Variants in DNAI3 observed in about 807,000 individuals in gnomAD.
DNAI3 encodes dynein axonemal intermediate chain 3.
Under a neutral mutation model 115.5 loss-of-function variants are expected in DNAI3, and 83 were observed. The ratio of observed to expected loss-of-function variants is 0.72; its 90% CI spans 0.60 to 0.86. The LOEUF is 0.86. Ranked by LOEUF, DNAI3 falls within the 40% of genes least tolerant of loss-of-function variation. The pLI is 0.00. For synonymous variants in DNAI3, 320 were observed against 347.0 expected (o/e 0.92, Z 0.86); for missense variants, 1,004 against 1,075.8 (o/e 0.93, Z 0.93).
intron 10 of DNAI3, among the ~76,000 whole-genome samples, chr1:85,095,032 G>A (rs1245851061): frequency 6.6e-6 from 1 of 152,090 alleles, no homozygotes; most frequent in African/African-American, 2.4e-5. Flanking sequence ...CAAGAGAATT[G>A]AGAAATTTGG....
intron 19 of DNAI3, among the ~76,000 whole-genome samples, chr1:85,125,695 C>T (rs1172201862): frequency 2.0e-5 from 3 of 152,130 alleles, no homozygotes; most frequent in Non-Finnish European, 2.9e-5. Context: ...GAAATGTCAC[C>T]TCCACAGAGT....
chr1:85,099,587 G>A (rs817487), intron 13 of DNAI3, among the ~76,000 whole-genome samples: 78,248 of 151,770 alleles, frequency 0.52, 20,831 homozygotes, highest in African/African-American at 0.64. Flanking sequence ...ATCCCCATCA[G>A]GCTACCAATG....
At position 85,081,228 on chromosome 1, in the gene DNAI3, T is replaced by C. The variant is rs1411883879; in HGVS notation, c.104-6T>C. ...TAATGTCCAAATTCCACTTTGTCTT[T>C]CCTAGGTCATCCAGAAATTTATCCT... On this transcript the variant is annotated splice_region_variant and splice_polypyrimidine_tract_variant and intron_variant, in intron 3 of 22. Coordinates refer to ENST00000294664, the MANE Select transcript of DNAI3 (RefSeq NM_145172.5). 2 of 1,570,078 alleles carry C rather than the reference T, an allele frequency of 1.3e-6. No homozygotes were observed. Among genetic ancestry groups the C allele is most frequent in the Non-Finnish European group, 1.7e-6 (2 of 1,167,222 alleles).
intron 17 of DNAI3, among the ~76,000 whole-genome samples, chr1:85,121,192 T>C (rs1422174131): frequency 6.6e-6 from 1 of 152,216 alleles, no homozygotes; most frequent in Non-Finnish European, 1.5e-5. Flanking sequence ...TTCCTCTTCT[T>C]ACATCAGGTC....
At chr1:85,095,182 C>G (rs1180954946) in intron 10 of DNAI3, among the ~76,000 whole-genome samples, 1 of 152,136 alleles carries the variant, frequency 6.6e-6, no homozygotes, top group African/African-American at 2.4e-5. Flanking sequence ...ACACAGGGTT[C>G]TAGTTTTCAT....
At chr1:85,116,285 C>T (rs910174461) in intron 16 of DNAI3, among the ~76,000 whole-genome samples, 9 of 152,194 alleles carry the variant, frequency 5.9e-5, no homozygotes, top group African/African-American at 2.2e-4. Context: ...TTGAGTCATT[C>T]CTGATTCTCT....
chr1:85,078,689 C>T (rs1654538146), intron 3 of DNAI3, among the ~76,000 whole-genome samples: 1 of 152,226 alleles, frequency 6.6e-6, no homozygotes, highest in Admixed American at 6.5e-5. Flanking sequence ...AAGCATCAGG[C>T]CTTGCCCTGG....
intron 1 of DNAI3, among the ~76,000 whole-genome samples, chr1:85,068,760 T>A (rs1056533794): frequency 6.6e-6 from 1 of 152,194 alleles, no homozygotes; most frequent in South Asian, 2.1e-4. Context: ...TGTAAGAGGA[T>A]CATACATTCC....
Position 85,132,871 on chromosome 1 carries a change from C to G in DNAI3, c.2549C>G (p.Ser850Ter), listed in dbSNP as rs867895591. 3.1e-6 allele frequency: 5 copies of G among 1,612,952 alleles called. No homozygotes were observed. The highest frequency in any genetic ancestry group is 1.6e-4 in the Middle Eastern group (1 of 6,078). Residue 850 changes from serine to a stop codon, truncating the protein, a stop_gained, in exon 23 of 23, where the codon TCA becomes TGA. Transcript: ENST00000294664. LOFTEE classifies it low-confidence loss of function (END_TRUNC). ...AKKKVKTYQKSKEQMQAELKM... is the reference protein window; with the variant it reads ...AKKKVKTYQK ...CCCCCCCAGAAAACATATCAGAAGT[C>G]AAAAGAACAAATGCAGGCTGAATTA...
At chr1:85,130,660 AGATAGAT>A (rs1282307736) in intron 22 of DNAI3, among the ~76,000 whole-genome samples, 1 of 147,274 alleles carries the variant, frequency 6.8e-6, no homozygotes, top group Non-Finnish European at 1.5e-5. Context: ...ATGATAGATT[AGATAGAT>A]GATAGATAGA....
chr1:85,132,749 G>A, intron 22 of DNAI3, 106 bp from the exon 23 acceptor site: 1 of 1,418,054 alleles, frequency 7.1e-7, no homozygotes, highest in Non-Finnish European at 9.4e-7. Flanking sequence ...GCCCTTTCCA[G>A]AAAACAGCAG....
At chr1:85,076,416 C>A in intron 3 of DNAI3, among the ~76,000 whole-genome samples, 1 of 151,910 alleles carries the variant, frequency 6.6e-6, no homozygotes. Context: ...TCCACAAATC[C>A]CTTTTCTTAT....
At position 85,101,940 on chromosome 1, in the gene DNAI3, A is replaced by G. The variant is rs115371705; in HGVS notation, c.1480-2584A>G. Among the ~76,000 whole-genome samples, 5 of 151,856 alleles carry G rather than the reference A, an allele frequency of 3.3e-5. No homozygotes were observed. The South Asian group carries it at 1.0e-3, about 32-fold the overall frequency. On this transcript the variant is annotated intron_variant, in intron 13 of 22. Coordinates refer to ENST00000294664, the MANE Select transcript of DNAI3 (RefSeq NM_145172.5). Reference sequence around the variant, plus strand: ...AGAGGCCAGGCATGGTGGCTCATTCATACCTATAATTCCAACACTAGGAGG... The same window carrying G: ...AGAGGCCAGGCATGGTGGCTCATTCGTACCTATAATTCCAACACTAGGAGG...
chr1:85,084,245 AGT>A (rs574283688), intron 5 of DNAI3, among the ~76,000 whole-genome samples: 1 of 58,232 alleles, frequency 1.7e-5, no homozygotes, highest in Non-Finnish European at 3.3e-5. Flanking sequence ...ATATATCAGC[AGT>A]GTGTATATAT....
intron 5 of DNAI3, among the ~76,000 whole-genome samples, chr1:85,082,935 C>G (rs922053461): frequency 2.6e-5 from 4 of 152,174 alleles, no homozygotes; most frequent in Non-Finnish European, 4.4e-5. Flanking sequence ...GAGTAAGTTA[C>G]TGAGCCTCTC....
In DNAI3 at chr1:85,084,706, T is replaced by C; in HGVS notation, c.540+11T>C. 1.4e-6 allele frequency: 2 copies of C among 1,477,476 alleles called. No individual in the cohort carries two copies. The highest frequency in any genetic ancestry group is 1.8e-6 in the Non-Finnish European group (2 of 1,111,724). 91.5% of individuals were successfully genotyped at this position (1,477,476 alleles called of 1,614,324 possible). On this transcript the variant is annotated intron_variant, in intron 6 of 22. Coordinates refer to ENST00000294664, the MANE Select transcript of DNAI3 (RefSeq NM_145172.5). ...GAATCTACAAAGCAGGTTAGAGGGT[T>C]ATATATGATCTGTAATCATTACCTC...
At chr1:85,108,383 G>A (rs1655554309) in intron 15 of DNAI3, among the ~76,000 whole-genome samples, 1 of 152,026 alleles carries the variant, frequency 6.6e-6, no homozygotes, top group Non-Finnish European at 1.5e-5. Flanking sequence ...ACATGTTATT[G>A]TATATATTTA....
intron 13 of DNAI3, among the ~76,000 whole-genome samples, chr1:85,101,135 A>G (rs554011831): frequency 7.6e-5 from 2 of 26,418 alleles, no homozygotes; most frequent in Non-Finnish European, 1.5e-4. Context: ...TAATAAAATT[A>G]AAAAAAAAGA....
chr1:85,119,025 T>C (rs1226894015), intron 17 of DNAI3, among the ~76,000 whole-genome samples: 1 of 152,196 alleles, frequency 6.6e-6, no homozygotes, highest in Non-Finnish European at 1.5e-5. Context: ...TTTCCTGCTG[T>C]GTTAGGTAAT....
Sources: gnomAD v4.1 joint callset for allele counts (sites outside exome capture counted in the v4.1 genomes callset) on GRCh38, gnomAD v4.1.1 for gene constraint, MANE v1.5 for transcripts, NCBI Gene and HGNC (gene_info 2026-07-23, HGNC 2026-07-21) for gene names.